Variants in LYST observed in about 807,000 individuals in gnomAD.
LYST encodes the protein lysosomal trafficking regulator.
Under a neutral mutation model 413.6 loss-of-function variants are expected in LYST, and 192 were observed. The ratio of observed to expected loss-of-function variants is 0.46; its 90% confidence interval spans 0.41 to 0.52. LYST has a LOEUF of 0.52. Ranked by LOEUF, LYST falls within the 20% of genes least tolerant of loss-of-function variation. The pLI is 0.00. For missense variants in LYST, 3,815 were observed against 4,499.9 expected, an observed-to-expected ratio of 0.85 and a Z score of 4.35; for synonymous variants, 1,525 against 1,567.3, an observed-to-expected ratio of 0.97 and a Z score of 0.64.
chr1:235,797,118 T>C (rs554976405), intron 10 of LYST, among the ~76,000 whole-genome samples: 6 of 152,102 alleles, frequency 3.9e-5, no homozygotes, highest in Non-Finnish European at 7.4e-5. Context: ...ACAAAATAAA[T>C]GACTCGAGAA....
intron 40 of LYST, among the ~76,000 whole-genome samples, chr1:235,718,924 ATGTGT>A (rs1314100762): frequency 6.6e-6 from 1 of 152,038 alleles, no homozygotes; most frequent in Non-Finnish European, 1.5e-5. Context: ...TTTTATTTCC[ATGTGT>A]TTCAACTAAT....
chr1:235,664,509 T>C lies in LYST; in HGVS notation c.11151A>G (p.Val3717=), dbSNP rs1308717066. The change falls in exon 51 of 53, where the codon GTA becomes GTG. Residue 3717 remains valine, a synonymous_variant. Coordinates refer to ENST00000389793, the MANE Select transcript of LYST (RefSeq NM_000081.4). The surrounding 1 kb of genome is among the most constrained non-coding windows in gnomAD (Gnocchi z 4.5). Reference sequence around the variant, plus strand: ...ATCCCCCAGCGATTACATTGATAGATACTCCCTCAGGCTGGTTGGAGAAAG... The same window carrying C: ...ATCCCCCAGCGATTACATTGATAGACACTCCCTCAGGCTGGTTGGAGAAAG... ...SVAFSNQPEG[V]SINVIAGGLE... is the part of the protein sequence containing the mutation. 2 of 1,614,058 alleles carry C rather than the reference T, an allele frequency of 1.2e-6. No homozygotes were observed. The highest frequency in any genetic ancestry group is 2.7e-5 in the African/African-American group (2 of 74,936).
intron 34 of LYST, among the ~76,000 whole-genome samples, chr1:235,732,328 G>A (rs367772182): frequency 6.6e-6 from 1 of 151,648 alleles, no homozygotes; most frequent in Non-Finnish European, 1.5e-5. Context: ...TTTTTGACAG[G>A]GTCTCATTCT....
chr1:235,854,266 T>C lies in LYST; in HGVS notation c.-98+12577A>G, dbSNP rs192223990. On this transcript the variant is annotated intron_variant, in intron 1 of 52. Transcript: ENST00000389793. This position sits in a 1 kb window ranked among gnomAD's most constrained non-coding sequence, Gnocchi z 4.1. ...CATTATTATCCCTAGTTGACACATA[T>C]TGGAAACTGAAGCACAGTAAGGTTA... Among the ~76,000 whole-genome samples the C allele has an allele frequency of 6.6e-6, 1 of 152,304 alleles. No homozygotes were observed. The highest frequency in any genetic ancestry group is 2.1e-4 in the South Asian group (1 of 4,824).
At chr1:235,727,823 A>G (rs1455133584) in intron 38 of LYST, among the ~76,000 whole-genome samples, 2 of 152,222 alleles carry the variant, frequency 1.3e-5, no homozygotes, top group Non-Finnish European at 2.9e-5. Flanking sequence ...ATGAACATAA[A>G]TTGATATAAT....
chr1:235,795,696 T>C (rs113521633), intron 10 of LYST, among the ~76,000 whole-genome samples: 360 of 152,086 alleles, frequency 2.4e-3, no homozygotes, highest in Non-Finnish European at 4.1e-3. Flanking sequence ...GAGGCCAAAA[T>C]AGAAAACAAA....
intron 19 of LYST, among the ~76,000 whole-genome samples, chr1:235,772,760 T>C (rs1303230771): frequency 2.0e-5 from 3 of 152,136 alleles, no homozygotes; most frequent in African/African-American, 7.2e-5. Flanking sequence ...TGGACCTGAC[T>C]CCCCTGACTC....
chr1:235,857,580 C>G (rs559773473), intron 1 of LYST, among the ~76,000 whole-genome samples: 35 of 151,920 alleles, frequency 2.3e-4, no homozygotes, highest in Non-Finnish European at 4.1e-4. Flanking sequence ...CATGAAGGAG[C>G]TGGCAAAGAA....
At chr1:235,677,261 T>A (rs1659452825) in intron 49 of LYST, 73 bp from the exon 50 acceptor site, 6 of 1,274,104 alleles carry the variant, frequency 4.7e-6, no homozygotes, top group Non-Finnish European at 5.7e-6. Context: ...GTAATTCTTC[T>A]TCTCAGTCTA....
chr1:235,828,201 GAC>G, intron 3 of LYST: 3 of 936,466 alleles, frequency 3.2e-6, no homozygotes, highest in Non-Finnish European at 3.8e-6. Flanking sequence ...GACATTTCAT[GAC>G]ATAAAAGAGA....
chr1:235,837,589 C>G (rs554198913), intron 1 of LYST, among the ~76,000 whole-genome samples: 1 of 149,712 alleles, frequency 6.7e-6, no homozygotes, highest in African/African-American at 2.5e-5. Context: ...ATTGAGCCAC[C>G]GCATACCAGC....
intron 50 of LYST, among the ~76,000 whole-genome samples, chr1:235,669,707 T>C (rs1431941713): frequency 2.0e-5 from 3 of 152,238 alleles, no homozygotes; most frequent in Non-Finnish European, 4.4e-5. Flanking sequence ...AAGAAGATTC[T>C]ATATCCAGGC....
intron 48 of LYST, among the ~76,000 whole-genome samples, chr1:235,682,818 T>C (rs1274903598): frequency 6.6e-6 from 1 of 152,218 alleles, no homozygotes; most frequent in Non-Finnish European, 1.5e-5. Flanking sequence ...ATGCTTTGTT[T>C]TTCTTCAGTG....
At chr1:235,728,456 T>C (rs529447027) in intron 37 of LYST, among the ~76,000 whole-genome samples, 39 of 152,368 alleles carry the variant, frequency 2.6e-4, no homozygotes, top group African/African-American at 8.4e-4. Context: ...ATTATTACCA[T>C]TATTCTTACA....
chr1:235,817,218 A>G (rs568562871), intron 3 of LYST, among the ~76,000 whole-genome samples: 117 of 152,282 alleles, frequency 7.7e-4, no homozygotes, highest in African/African-American at 2.8e-3. Context: ...AAAAAAAGAA[A>G]AAAAAAACAT....
At chr1:235,697,930 TG>T (rs1277049801) in intron 45 of LYST, among the ~76,000 whole-genome samples, 2 of 152,158 alleles carry the variant, frequency 1.3e-5, no homozygotes, top group African/African-American at 4.8e-5. Flanking sequence ...GGAAGAAAGG[TG>T]AGTGAAGACT....
intron 30 of LYST, among the ~76,000 whole-genome samples, chr1:235,742,702 T>C (rs1461447725): frequency 6.6e-6 from 1 of 151,708 alleles, no homozygotes; most frequent in Admixed American, 6.6e-5. Context: ...AGAACAATGA[T>C]AAATAAGCCT....
At chr1:235,824,709 T>G (rs1315556944) in intron 3 of LYST, among the ~76,000 whole-genome samples, 1 of 152,234 alleles carries the variant, frequency 6.6e-6, no homozygotes, top group Admixed American at 6.5e-5. Context: ...AAATGGAGTT[T>G]ATTCCAGGAA....
rs1667334839 is a variant in LYST at position 235,759,190 on chromosome 1, C to A, written c.6663G>T (p.Glu2221Asp). Residue 2221 changes from glutamate (E) to aspartate (D), a missense_variant, in exon 23 of 53, where the codon GAG (glutamate) becomes GAT (aspartate). By Grantham distance (45) the Glu-to-Asp change is conservative (BLOSUM62 2). Around this residue, in one of 4 missense-constraint regions of LYST, gnomAD observed 771 missense variants for 837.1 expected, o/e 0.92. Transcript: ENST00000389793. ...GGTAATCAGGTCGGCGTGGGCAGGA[C>A]TCATCCCCAGGACTGTCATCTTCTG... ...PRSEDDSPGD[E>D]SCPRRPDYLK... 6.2e-7 allele frequency: 1 copy of A among 1,614,150 alleles called. No homozygotes were observed. Among genetic ancestry groups the A allele is most frequent in the Non-Finnish European group, 8.5e-7 (1 of 1,180,018 alleles).
Sources: allele counts gnomAD v4.1 joint callset (sites outside exome capture counted in the v4.1 genomes callset), GRCh38; gene constraint gnomAD v4.1.1; regional missense constraint gnomAD v4.1.1; non-coding constraint Gnocchi (gnomAD v3.1); transcripts MANE v1.5; gene names NCBI Gene and HGNC (gene_info 2026-07-23, HGNC 2026-07-21).